TENM4: variants seen among roughly 807,000 people sequenced by gnomAD.
TENM4 encodes the protein teneurin-4.
TENM4 carries 82 observed loss-of-function variants against 243.3 expected under a neutral mutation model. The ratio of observed to expected loss-of-function variants is 0.34; its 90% CI spans 0.28 to 0.40. The LOEUF is 0.40. Ranked by LOEUF, TENM4 falls within the 10% of genes least tolerant of loss-of-function variation. The pLI, the probability that TENM4 is intolerant of heterozygous loss-of-function variation, is 1.00. For synonymous variants in TENM4, 1,412 were observed against 1,456.3 expected, an observed-to-expected ratio of 0.97 and a Z score of 0.69; for missense variants, 3,138 against 3,673.3, an observed-to-expected ratio of 0.85 and a Z score of 3.77.
intron 17 of TENM4, among the ~76,000 whole-genome samples, chr11:78,778,195 T>C (rs1856773931): frequency 6.6e-6 from 1 of 152,118 alleles, no homozygotes; most frequent in Admixed American, 6.5e-5. Flanking sequence ...TAACTTGCTC[T>C]TGGGTCTCTT....
In TENM4 at chr11:79,046,139, C is replaced by T. The variant is rs149698827; in HGVS notation, c.493+18599G>A. On this transcript the variant is annotated intron_variant, in intron 6 of 33. Coordinates refer to ENST00000278550, the MANE Select transcript of TENM4 (RefSeq NM_001098816.3). ...AATCTTCCCTGTGGCATCATGCCTCCGGTGAAGGGGCTGACTCACTTAGAA... is the reference window on the plus strand; with the variant it reads ...AATCTTCCCTGTGGCATCATGCCTCTGGTGAAGGGGCTGACTCACTTAGAA... 1.1e-4 allele frequency among the ~76,000 whole-genome samples: 17 copies of T among 152,310 alleles called. No individual in the cohort carries two copies. The East Asian group carries it at 3.1e-3, about 28-fold the overall frequency.
rs973641588 is a variant in TENM4, at chr11:79,092,294, C to T, written c.-65-22285G>A. Among the ~76,000 whole-genome samples, 9 of 152,320 alleles carry T rather than the reference C, an allele frequency of 5.9e-5. No individual in the cohort carries two copies. The South Asian group carries it at 1.0e-3, about 18-fold the overall frequency. Reference sequence around the variant, plus strand: ...TTCTTGACACAGGTTTGTGGCAATGCGTGAGATGTTTACTGAGCTGAACCA... The same window carrying T: ...TTCTTGACACAGGTTTGTGGCAATGTGTGAGATGTTTACTGAGCTGAACCA... On this transcript the variant is annotated intron_variant, in intron 4 of 33. Transcript: ENST00000278550.
intron 1 of TENM4, among the ~76,000 whole-genome samples, chr11:79,385,242 G>A (rs1479385966): frequency 1.3e-5 from 2 of 152,194 alleles, no homozygotes; most frequent in African/African-American, 4.8e-5. Flanking sequence ...AACCTCTGGG[G>A]CTGTCACCCA....
intron 1 of TENM4, among the ~76,000 whole-genome samples, chr11:79,390,775 G>C (rs1486161841): frequency 1.3e-5 from 2 of 152,170 alleles, no homozygotes; most frequent in Non-Finnish European, 2.9e-5. Context: ...ATGTGTCCTG[G>C]GTTTGAATCC....
intron 6 of TENM4, among the ~76,000 whole-genome samples, chr11:78,961,091 A>G (rs537260607): frequency 6.6e-6 from 1 of 152,382 alleles, no homozygotes; most frequent in East Asian, 1.9e-4. Context: ...TCCAGAGCCC[A>G]TAGACTGTCT....
intron 1 of TENM4, among the ~76,000 whole-genome samples, chr11:79,305,630 G>A (rs893539602): frequency 7.9e-5 from 12 of 152,198 alleles, no homozygotes; most frequent in Admixed American, 3.9e-4. Context: ...ACCTCTGACC[G>A]AGCACAGGGA....
chr11:78,805,591 A>G, intron 14 of TENM4, 99 bp from the exon 15 acceptor site: 1 of 1,397,368 alleles, frequency 7.2e-7, no homozygotes, highest in Non-Finnish European at 9.8e-7. Context: ...GGGGCTTCAT[A>G]CATTCTGGCA....
chr11:79,293,833 C>T (rs1306415548), intron 2 of TENM4, among the ~76,000 whole-genome samples: 1 of 152,150 alleles, frequency 6.6e-6, no homozygotes, highest in African/African-American at 2.4e-5. Context: ...GGCTAGCACA[C>T]CAATGGGGTT....
At chr11:79,193,929 G>A (rs926313864) in intron 3 of TENM4, among the ~76,000 whole-genome samples, 2 of 152,126 alleles carry the variant, frequency 1.3e-5, no homozygotes, top group Non-Finnish European at 2.9e-5. Context: ...GGAGTGGAGA[G>A]CAGGGGTAAT....
intron 6 of TENM4, among the ~76,000 whole-genome samples, chr11:78,938,132 T>C (rs1392140274): frequency 6.6e-6 from 1 of 152,218 alleles, no homozygotes; most frequent in African/African-American, 2.4e-5. Flanking sequence ...CTTCACACTA[T>C]CTACAGAATA....
Position 79,398,065 on chromosome 11 carries a change from T to C in TENM4, c.-321+42444A>G, listed in dbSNP as rs147007063. Among the ~76,000 whole-genome samples the C allele has an allele frequency of 1.5e-3, 222 of 152,360 alleles. 1 individual carries two copies. Among genetic ancestry groups the C allele is most frequent in the African/African-American group, 5.2e-3 (215 of 41,582 alleles). ...ATGAATTTACATATGTGTGCTTGTTTGTATTTATCCCAATTTGTGCAAGAC... is the reference window on the plus strand; with the variant it reads ...ATGAATTTACATATGTGTGCTTGTTCGTATTTATCCCAATTTGTGCAAGAC... On this transcript the variant is annotated intron_variant, in intron 1 of 33. Coordinates refer to ENST00000278550, the MANE Select transcript of TENM4 (RefSeq NM_001098816.3).
chr11:79,015,506 G>GTGTGTGTGTA (rs1202405650), intron 6 of TENM4, among the ~76,000 whole-genome samples: 1 of 151,608 alleles, frequency 6.6e-6, no homozygotes, highest in African/African-American at 2.4e-5. Flanking sequence ...GTGTGTGTGT[G>GTGTGTGTGTA]TGTATGTATT....
chr11:78,916,279 A>G (rs1345190088), intron 6 of TENM4, among the ~76,000 whole-genome samples: 1 of 152,218 alleles, frequency 6.6e-6, no homozygotes, highest in African/African-American at 2.4e-5. Flanking sequence ...ATTTAGTGAG[A>G]CAGTGGATAT....
chr11:79,316,337 G>T (rs376192843), intron 1 of TENM4, among the ~76,000 whole-genome samples: 1 of 152,136 alleles, frequency 6.6e-6, no homozygotes, highest in Non-Finnish European at 1.5e-5. Context: ...GGCTGGTTTC[G>T]ACATCTTTTA....
intron 12 of TENM4, among the ~76,000 whole-genome samples, chr11:78,820,486 G>C (rs1383356276): frequency 6.6e-6 from 1 of 152,204 alleles, no homozygotes; most frequent in Non-Finnish European, 1.5e-5. Context: ...GGGGTGAACA[G>C]TAACACACAC....
At chr11:78,662,340 G>A (rs151137096) in intron 32 of TENM4, among the ~76,000 whole-genome samples, 4,291 of 151,934 alleles carry the variant, frequency 0.028, 208 homozygotes, top group African/African-American at 0.098. Flanking sequence ...ATAGGTGCCC[G>A]TCACCAGGCC....
At chr11:78,658,941 T>G in intron 33 of TENM4, 125 bp from the exon 34 acceptor site, 12 of 1,117,370 alleles carry the variant, frequency 1.1e-5, no homozygotes, top group African/African-American at 1.6e-5. Flanking sequence ...CATGTAGCTC[T>G]ACCGCTGACC....
chr11:78,833,214 G>A (rs951608549), intron 12 of TENM4, among the ~76,000 whole-genome samples: 1 of 152,170 alleles, frequency 6.6e-6, no homozygotes, highest in Non-Finnish European at 1.5e-5. Context: ...AAAAATAACA[G>A]TCTTCTGCTT....
chr11:78,780,899 T>C (rs780855095), intron 16 of TENM4, among the ~76,000 whole-genome samples: 1 of 152,160 alleles, frequency 6.6e-6, no homozygotes, highest in African/African-American at 2.4e-5. Flanking sequence ...GAGACAAAAG[T>C]AGACATTCAA....
Sources: gnomAD v4.1 joint callset for allele counts (sites outside exome capture counted in the v4.1 genomes callset) on GRCh38, gnomAD v4.1.1 for gene constraint, MANE v1.5 for transcripts, NCBI Gene and HGNC (gene_info 2026-07-23, HGNC 2026-07-21) for gene names.